The following PRTG variants were observed in gnomAD, a reference collection of about 807,000 sequenced individuals.
The protein encoded by PRTG is protogenin.
Under a neutral mutation model 122.5 loss-of-function variants are expected in PRTG, and 67 were observed. The observed-to-expected ratio is 0.55, with a 90% confidence interval of 0.45 to 0.67. The LOEUF (loss-of-function observed/expected upper bound fraction) is 0.67. Ranked by LOEUF, PRTG falls within the 30% of genes least tolerant of loss-of-function variation. The pLI is 0.00. For missense variants in PRTG, 1,435 were observed against 1,415.4 expected, an observed-to-expected ratio of 1.01 and a Z score of -0.22; for synonymous variants, 554 against 501.1, an observed-to-expected ratio of 1.11 and a Z score of -1.41.
intron 11 of PRTG, chr15:55,656,189 C>T: frequency 3.5e-6 from 1 of 282,020 alleles, no homozygotes; most frequent in Non-Finnish European, 7.0e-6. Flanking sequence ...TTTATAACTG[C>T]TTTTCCCCAC....
intron 15 of PRTG, among the ~76,000 whole-genome samples, chr15:55,634,695 A>G (rs960760573): frequency 1.3e-5 from 2 of 151,884 alleles, no homozygotes; most frequent in African/African-American, 4.8e-5. Flanking sequence ...ACAAAAAATT[A>G]GCCAGGCATG....
chr15:55,742,390 C>A (rs577046641), intron 1 of PRTG: 47 of 156,380 alleles, frequency 3.0e-4, no homozygotes, highest in African/African-American at 9.1e-4. Context: ...AACCGCGGCG[C>A]CCCCTGCACG....
chr15:55,630,109 C>T (rs1163363191), intron 15 of PRTG, among the ~76,000 whole-genome samples: 1 of 151,970 alleles, frequency 6.6e-6, no homozygotes, highest in Non-Finnish European at 1.5e-5. Context: ...GCCTCAGCCT[C>T]CTGAGTAGCT....
At chr15:55,740,247 CAGTT>C (rs1320142652) in intron 2 of PRTG, 131 bp downstream of exon 2, 11 of 749,422 alleles carry the variant, frequency 1.5e-5, no homozygotes, top group East Asian at 2.6e-5. Flanking sequence ...CTATATGCCT[CAGTT>C]AGCATCAACT....
chr15:55,708,127 T>C (rs1419885683), intron 2 of PRTG, among the ~76,000 whole-genome samples: 2 of 115,138 alleles, frequency 1.7e-5, no homozygotes, highest in African/African-American at 3.5e-5. Flanking sequence ...TGCACGCCTG[T>C]GGAAAGGAGG....
chr15:55,714,205 G>GTCTCTCTCTCTC (rs3049129), intron 2 of PRTG, among the ~76,000 whole-genome samples: 12,884 of 142,512 alleles, frequency 0.09, 696 homozygotes, highest in East Asian at 0.26. Flanking sequence ...CTATTTATCT[G>GTCTCTCTCTCTC]TCTCTCTCTC....
intron 16 of PRTG, 29 bp from the exon 17 acceptor site, chr15:55,627,157 T>A: frequency 6.7e-7 from 1 of 1,497,726 alleles, no homozygotes; most frequent in African/African-American, 1.4e-5. Flanking sequence ...TTACTCAGAA[T>A]CAATCAGAAA....
At chr15:55,689,430 C>A (rs181415802) in intron 2 of PRTG, among the ~76,000 whole-genome samples, 134 of 152,160 alleles carry the variant, frequency 8.8e-4, no homozygotes, top group Non-Finnish European at 1.6e-3. Flanking sequence ...CTCTTTTTAG[C>A]TGGGTGTAGT....
Position 55,677,922 on chromosome 15 carries a change from G to A in PRTG, c.1256C>T (p.Pro419Leu), listed in dbSNP as rs137887360. ...RLTVVMSEDR[P>L]SAPYNVHAET... is the part of the protein sequence containing the mutation. ...AGCATGTACATTATAGGGAGCACTG[G>A]GTCTGTCTTCTGACATCACTACAGT... is the stretch of plus-strand genomic sequence containing the variant. Residue 419 changes from proline to leucine, a missense_variant, in exon 8 of 20, where the codon CCC (proline) becomes CTC (leucine). Pro to Leu is a moderately conservative substitution (Grantham distance 98). Coordinates refer to ENST00000389286, the MANE Select transcript of PRTG (RefSeq NM_173814.6). 1.2e-6 allele frequency: 2 copies of A among 1,613,836 alleles called. No homozygotes were observed. Among genetic ancestry groups the A allele is most frequent in the Non-Finnish European group, 1.7e-6 (2 of 1,179,868 alleles).
intron 13 of PRTG, 23 bp from the exon 14 acceptor site, chr15:55,638,699 T>C (rs368112528): frequency 3.6e-5 from 57 of 1,603,964 alleles, no homozygotes; most frequent in Admixed American, 1.7e-5. Context: ...GTGATGAAGT[T>C]GTTAATGCTG....
intron 15 of PRTG, among the ~76,000 whole-genome samples, chr15:55,631,545 T>C (rs916073006): frequency 1.3e-5 from 2 of 152,214 alleles, no homozygotes; most frequent in African/African-American, 4.8e-5. Context: ...ATTTCACAAA[T>C]ACTGAAGTGA....
chr15:55,723,758 T>TC (rs1243236438), intron 2 of PRTG, among the ~76,000 whole-genome samples: 6 of 143,772 alleles, frequency 4.2e-5, no homozygotes, highest in East Asian at 1.9e-4. Flanking sequence ...TTTTCTTTTT[T>TC]TTTTTTTTTT....
intron 11 of PRTG, among the ~76,000 whole-genome samples, chr15:55,643,632 C>T (rs1236228845): frequency 1.3e-5 from 2 of 151,788 alleles, no homozygotes; most frequent in Non-Finnish European, 2.9e-5. Flanking sequence ...ACATATTGCC[C>T]AGGCTGGTGT....
At chr15:55,640,001 G>A in intron 12 of PRTG, 173 bp from the exon 13 acceptor site, 1 of 975,334 alleles carries the variant, frequency 1.0e-6, no homozygotes, top group Non-Finnish European at 1.2e-6. Context: ...GCTCTTCCGT[G>A]AGTTATATAA....
At chr15:55,737,440 T>C (rs1208831493) in intron 2 of PRTG, among the ~76,000 whole-genome samples, 1 of 152,198 alleles carries the variant, frequency 6.6e-6, no homozygotes, top group Non-Finnish European at 1.5e-5. Context: ...GGAGGAACCT[T>C]GTCCCTGCAG....
intron 11 of PRTG, among the ~76,000 whole-genome samples, chr15:55,671,204 A>G (rs7167185): frequency 0.95 from 144,044 of 152,278 alleles, 68,668 homozygotes; most frequent in Non-Finnish European, 1. Context: ...CTGTGCTACC[A>G]TGAGTCCAGG....
Position 55,682,544 on chromosome 15 carries a change from TTTTATTTA to T in PRTG, c.543-55_543-48del, listed in dbSNP as rs56167837. On this transcript the variant is annotated intron_variant, in intron 3 of 19. Transcript: ENST00000389286. ...TAAACTTTTTGTAGTAGATTTCATATTTTATTTATTTATTTATTTATTTATTTATTTAT... is the reference window on the plus strand; with the variant it reads ...TAAACTTTTTGTAGTAGATTTCATATTTTATTTATTTATTTATTTATTTAT... 299 of 479,356 alleles carry T rather than the reference TTTTATTTA, an allele frequency of 6.2e-4. 4 individuals carry two copies. The East Asian group carries it at 8.6e-3, about 14-fold the overall frequency. The allele number at this position is 479,356 out of a possible 1,614,324, so 29.7% of individuals were successfully genotyped here. A position where few individuals can be genotyped will look rare whatever the true frequency, so the allele number is the denominator to read the frequency against.
intron 11 of PRTG, among the ~76,000 whole-genome samples, chr15:55,667,547 G>A (rs1478211007): frequency 2.0e-5 from 3 of 152,032 alleles, no homozygotes; most frequent in Admixed American, 1.3e-4. Flanking sequence ...AAAAGTCTAT[G>A]TTGAAGTTTC....
chr15:55,652,071 A>G (rs913987652), intron 11 of PRTG, among the ~76,000 whole-genome samples: 5 of 152,234 alleles, frequency 3.3e-5, no homozygotes, highest in Non-Finnish European at 5.9e-5. Context: ...AAAATAAAAA[A>G]GCATTATTTG....
Sources: allele counts gnomAD v4.1 joint callset (sites outside exome capture counted in the v4.1 genomes callset), GRCh38; gene constraint gnomAD v4.1.1; transcripts MANE v1.5; gene names NCBI Gene and HGNC (gene_info 2026-07-23, HGNC 2026-07-21).